RASAL2: variants seen among roughly 807,000 people sequenced by gnomAD.
RASAL2 encodes ras GTPase-activating protein nGAP.
Under a neutral mutation model 128.9 loss-of-function variants are expected in RASAL2, and 58 were observed. That is an observed-to-expected ratio of 0.45 (90% CI 0.36 to 0.56). The LOEUF is 0.56. Among genes scored for constraint, RASAL2 ranks in the 20% least tolerant of loss-of-function variants. The pLI, the probability that RASAL2 is intolerant of heterozygous loss-of-function variation, is 0.00. For missense variants in RASAL2, 1,360 were observed against 1,601.6 expected, an observed-to-expected ratio of 0.85 and a Z score of 2.57; for synonymous variants, 561 against 580.8, an observed-to-expected ratio of 0.97 and a Z score of 0.49.
chr1:178,445,526 G>A lies in RASAL2; in HGVS notation c.1491G>A (p.Leu497=). The change falls in exon 9 of 18, where the codon CTG becomes CTA. Residue 497 remains leucine, a synonymous_variant. Transcript: ENST00000367649. ...LQSTGRAKDF[L]TDLVMSEVDR... is the part of the protein sequence containing the mutation. The stretch of plus-strand genomic sequence containing the variant: ...GAACATTATTCTACCAGGATTTTCT[G>A]ACTGACTTGGTGATGTCTGAGGTGG... The A allele has an allele frequency of 1.2e-6, 2 of 1,613,004 alleles. No individual in the cohort carries two copies. The highest frequency in any genetic ancestry group is 1.7e-6 in the Non-Finnish European group (2 of 1,179,466).
intron 1 of RASAL2, among the ~76,000 whole-genome samples, chr1:178,096,464 TTG>T (rs57531713): frequency 0.028 from 4,189 of 148,428 alleles, 180 homozygotes; most frequent in African/African-American, 0.093. Context: ...ATTGTATATT[TTG>T]TGTGTGTGTG....
At chr1:178,171,725 TTAAGAC>T (rs1446842726) in intron 1 of RASAL2, among the ~76,000 whole-genome samples, 1 of 151,882 alleles carries the variant, frequency 6.6e-6, no homozygotes, top group Non-Finnish European at 1.5e-5. Context: ...GGAGAGAGAT[TTAAGAC>T]TAAAGTGTTA....
chr1:178,287,892 G>C (rs1057077478), intron 2 of RASAL2, among the ~76,000 whole-genome samples: 1 of 152,096 alleles, frequency 6.6e-6, no homozygotes, highest in Middle Eastern at 3.2e-3. Context: ...ACACTGCTCA[G>C]ATAATGAGTG....
chr1:178,174,563 C>T (rs1661820463), intron 1 of RASAL2, among the ~76,000 whole-genome samples: 1 of 152,042 alleles, frequency 6.6e-6, no homozygotes, highest in Admixed American at 6.6e-5. Context: ...CAGGTTGGCA[C>T]CTGATAAAAT....
rs113586245 is a variant in RASAL2, at chr1:178,342,128, T to G, written c.457+42010T>G. On this transcript the variant is annotated intron_variant, in intron 3 of 17. Coordinates refer to ENST00000367649, the MANE Select transcript of RASAL2 (RefSeq NM_170692.4). ...AGTAAGAGCATTCAAATGAGAACTT[T>G]GCTTGTTATTTTTGCCCAAGGTAGG... Among the ~76,000 whole-genome samples, 632 of 152,334 alleles carry G rather than the reference T, an allele frequency of 4.1e-3. 3 individuals are homozygous for G. Among genetic ancestry groups the G allele is most frequent in the African/African-American group, 0.014 (576 of 41,590 alleles).
intron 1 of RASAL2, among the ~76,000 whole-genome samples, chr1:178,186,006 T>C (rs1488978566): frequency 6.6e-6 from 1 of 152,114 alleles, no homozygotes; most frequent in East Asian, 1.9e-4. Context: ...ATTGAAACTA[T>C]CTGGACCTGG....
chr1:178,283,963 A>G (rs550890532), intron 2 of RASAL2, among the ~76,000 whole-genome samples: 45 of 152,324 alleles, frequency 3.0e-4, no homozygotes, highest in African/African-American at 1.1e-3. Flanking sequence ...GTTGGATTAT[A>G]TAGGCCTGGC....
intron 1 of RASAL2, among the ~76,000 whole-genome samples, chr1:178,268,453 C>T (rs746910683): frequency 5.9e-5 from 9 of 151,794 alleles, no homozygotes; most frequent in Middle Eastern, 3.4e-3. Flanking sequence ...GGCAACAGAG[C>T]GAGCCTCCAT....
intron 1 of RASAL2, among the ~76,000 whole-genome samples, chr1:178,145,305 T>C (rs147233611): frequency 2.2e-4 from 33 of 152,224 alleles, no homozygotes; most frequent in African/African-American, 6.5e-4. Context: ...GAGGATTTTT[T>C]TTGTTTTGTT....
In RASAL2 at chr1:178,429,664, C is replaced by T. The variant is rs115419434; in HGVS notation, c.674+9044C>T. Among the ~76,000 whole-genome samples, 357 of 152,168 alleles carry T rather than the reference C, an allele frequency of 2.3e-3. 2 individuals carry two copies. Among genetic ancestry groups the T allele is most frequent in the African/African-American group, 8.2e-3 (341 of 41,538 alleles). ...CTATAAATCTGTAATCTTTAGCTAC[C>T]GCACAAAAGGCAACATGGCCCAGTC... is the stretch of plus-strand genomic sequence containing the variant. On this transcript the variant is annotated intron_variant, in intron 5 of 17. Transcript: ENST00000367649.
rs1666923613 is a variant in RASAL2 at position 178,284,405 on chromosome 1, T to C, written c.330+714T>C. 2.0e-5 allele frequency among the ~76,000 whole-genome samples: 3 copies of C among 152,306 alleles called. No individual in the cohort carries two copies. In the East Asian group the frequency reaches 5.8e-4, roughly 29 times the overall value. Reference sequence around the variant, plus strand: ...AATCTAACTCGAAGGCAGAAAAAGATTGCTTTTTGATGTATTCTGTAGAGG... The same window carrying C: ...AATCTAACTCGAAGGCAGAAAAAGACTGCTTTTTGATGTATTCTGTAGAGG... On this transcript the variant is annotated intron_variant, in intron 2 of 17. Coordinates refer to ENST00000367649, the MANE Select transcript of RASAL2 (RefSeq NM_170692.4).
intron 4 of RASAL2, among the ~76,000 whole-genome samples, chr1:178,408,612 G>T (rs28561621): frequency 1.7e-4 from 24 of 142,514 alleles, no homozygotes; most frequent in African/African-American, 6.3e-4. Flanking sequence ...GTTTTTTTTT[G>T]TTTTTTGTTT....
At chr1:178,281,673 C>A (rs1423181670) in intron 1 of RASAL2, among the ~76,000 whole-genome samples, 1 of 152,062 alleles carries the variant, frequency 6.6e-6, no homozygotes, top group Non-Finnish European at 1.5e-5. Context: ...TTTGAATGAC[C>A]ATAAATTGTC....
intron 3 of RASAL2, among the ~76,000 whole-genome samples, chr1:178,348,135 A>G (rs1670248433): frequency 6.6e-6 from 1 of 152,178 alleles, no homozygotes; most frequent in Non-Finnish European, 1.5e-5. Context: ...TTATGGGGGT[A>G]ATAACTGCCA....
chr1:178,185,346 T>C (rs1386414388), intron 1 of RASAL2, among the ~76,000 whole-genome samples: 2 of 151,922 alleles, frequency 1.3e-5, no homozygotes, highest in African/African-American at 4.8e-5. Flanking sequence ...GGACGTATGG[T>C]AGGATGCTGA....
rs1648564760 is a variant in RASAL2 at position 178,474,892 on chromosome 1, A to T, written c.*1653A>T. The T allele has an allele frequency of 2.0e-5, 3 of 151,930 alleles. No individual in the cohort carries two copies. Among genetic ancestry groups the T allele is most frequent in the Admixed American group, 2.0e-4 (3 of 15,244 alleles). 9.4% of individuals were successfully genotyped at this position (151,930 alleles called of 1,614,324 possible). A position where few individuals can be genotyped will look rare whatever the true frequency, so the allele number is the denominator to read the frequency against. On this transcript the variant is annotated 3_prime_UTR_variant, in exon 18 of 18. Transcript: ENST00000367649. ...GATTTTAAATTATAAGCTTTAAAGA[A>T]TTTTTTTTCTAGAAAAAGGGGATGG...
At chr1:178,199,415 G>T (rs1484473678) in intron 1 of RASAL2, among the ~76,000 whole-genome samples, 1 of 152,160 alleles carries the variant, frequency 6.6e-6, no homozygotes, top group Admixed American at 6.5e-5. Flanking sequence ...GACCAGAGCT[G>T]TTCCTATTTG....
At chr1:178,137,965 G>A (rs1456223258) in intron 1 of RASAL2, among the ~76,000 whole-genome samples, 1 of 152,202 alleles carries the variant, frequency 6.6e-6, no homozygotes, top group African/African-American at 2.4e-5. Flanking sequence ...GTGATTTAAA[G>A]GGCAGGTGTT....
At chr1:178,114,242 A>G (rs925984492) in intron 1 of RASAL2, among the ~76,000 whole-genome samples, 2 of 152,206 alleles carry the variant, frequency 1.3e-5, no homozygotes, top group South Asian at 2.1e-4. Context: ...GAGAGTAGAC[A>G]TCCTTGCCAT....
Sources: gnomAD v4.1 joint callset for allele counts (sites outside exome capture counted in the v4.1 genomes callset) on GRCh38, gnomAD v4.1.1 for gene constraint, MANE v1.5 for transcripts, NCBI Gene and HGNC (gene_info 2026-07-23, HGNC 2026-07-21) for gene names.